DYNC2LI1: variants seen among roughly 807,000 people sequenced by gnomAD.
DYNC2LI1 encodes the protein dynein cytoplasmic 2 light intermediate chain 1.
A neutral mutation model predicts 51.9 loss-of-function variants in DYNC2LI1; 45 were observed. The observed-to-expected ratio is 0.87, with a 90% CI of 0.68 to 1.11. DYNC2LI1 has a LOEUF of 1.11. Among genes scored for constraint, DYNC2LI1 ranks in the 50% most tolerant of loss-of-function variants. The pLI is 0.00. For synonymous variants in DYNC2LI1, 130 were observed against 137.8 expected, an observed-to-expected ratio of 0.94 and a Z score of 0.40; for missense variants, 490 against 417.4, an observed-to-expected ratio of 1.17 and a Z score of -1.51.
At chr2:43,775,487 T>A (rs955530951) in intron 1 of DYNC2LI1, among the ~76,000 whole-genome samples, 1 of 151,640 alleles carries the variant, frequency 6.6e-6, no homozygotes, top group African/African-American at 2.4e-5. Context: ...TTTTTTTCTT[T>A]CTTTCTTTAT....
chr2:43,786,654 C>A (rs1447389303), intron 3 of DYNC2LI1, among the ~76,000 whole-genome samples: 2 of 152,062 alleles, frequency 1.3e-5, no homozygotes, highest in Admixed American at 6.5e-5. Context: ...GAAACCCTGT[C>A]TTTACTAAAA....
At chr2:43,791,416 A>G (rs1673778437) in intron 5 of DYNC2LI1, among the ~76,000 whole-genome samples, 1 of 152,124 alleles carries the variant, frequency 6.6e-6, no homozygotes, top group Non-Finnish European at 1.5e-5. Context: ...TGGAAATTCT[A>G]GGTTCTGCAG....
intron 10 of DYNC2LI1, among the ~76,000 whole-genome samples, chr2:43,803,236 CTTTATG>C (rs925378241): frequency 5.3e-5 from 8 of 152,132 alleles, no homozygotes; most frequent in Non-Finnish European, 1.0e-4. Flanking sequence ...TTCATGGCAG[CTTTATG>C]TTTAGTAGTC....
At chr2:43,817,700 A>G in the DYNC2LI1 span, among the ~76,000 whole-genome samples, 14,166 of 152,044 alleles carry the variant, frequency 0.093, 837 homozygotes, top group Admixed American at 0.2. Context: ...ACCTGAGGTC[A>G]GGAGTTTGAG....
rs749081820 is a variant in DYNC2LI1 at position 43,789,631 on chromosome 2, A to T, written c.232-2A>T. 1.9e-6 allele frequency: 3 copies of T among 1,612,292 alleles called. No homozygotes were observed. In the East Asian group the frequency reaches 6.7e-5, roughly 36 times the overall value. On this transcript the variant is annotated splice_acceptor_variant, in intron 4 of 12. Transcript: ENST00000260605. LOFTEE classifies it high-confidence loss of function. ...AAAAAATCAAAAATTTTTGTTTTTC[A>T]GCCAAAAGATATCGCTCACTTTTGG...
chr2:43,789,567 TG>T, intron 4 of DYNC2LI1, 65 bp from the exon 5 acceptor site: 1 of 1,270,888 alleles, frequency 7.9e-7, no homozygotes, highest in Non-Finnish European at 1.1e-6. Flanking sequence ...TAATTATTAC[TG>T]GGAAGTGCTA....
At chr2:43,810,665 C>T (rs1020337995), downstream of DYNC2LI1, among the ~76,000 whole-genome samples, 1 of 152,188 alleles carries the variant, frequency 6.6e-6, no homozygotes, top group Admixed American at 6.5e-5. Context: ...AAGCCATCTG[C>T]TTATTGCAAT....
At chr2:43,827,926 G>C in the DYNC2LI1 span, 6 of 1,608,706 alleles carry the variant, frequency 3.7e-6, no homozygotes, top group Non-Finnish European at 5.1e-6. Flanking sequence ...CAAAGTATCT[G>C]CACACACACA....
intron 3 of DYNC2LI1, among the ~76,000 whole-genome samples, chr2:43,784,464 A>G (rs560029732): frequency 2.0e-5 from 3 of 150,728 alleles, no homozygotes; most frequent in Non-Finnish European, 4.4e-5. Context: ...TTTGAGATGG[A>G]GTTTCGCTCT....
intron 4 of DYNC2LI1, among the ~76,000 whole-genome samples, chr2:43,788,409 C>T (rs114897620): frequency 0.021 from 3,256 of 152,144 alleles, 115 homozygotes; most frequent in African/African-American, 0.073. Context: ...TTTTTCTAAA[C>T]TGTGTACTAT....
At chr2:43,796,282 G>A (rs565137467) in intron 7 of DYNC2LI1, among the ~76,000 whole-genome samples, 23 of 149,192 alleles carry the variant, frequency 1.5e-4, no homozygotes, top group South Asian at 6.3e-4. Flanking sequence ...ACAGTGAGCT[G>A]TAATCACACC....
At chr2:43,819,788 C>A in the DYNC2LI1 span, 1 of 1,011,272 alleles carries the variant, frequency 9.9e-7, no homozygotes, top group South Asian at 1.4e-5. Context: ...AGTATAAATG[C>A]TCTAGACTAT....
chr2:43,795,751 G>C (rs1674005764), intron 6 of DYNC2LI1, 139 bp from the exon 7 acceptor site: 2 of 663,416 alleles, frequency 3.0e-6, no homozygotes, highest in African/African-American at 3.7e-5. Flanking sequence ...TTAAATATTA[G>C]AACAAATTCT....
chr2:43,819,754 G>A, the DYNC2LI1 span, among the ~76,000 whole-genome samples: 3 of 152,122 alleles, frequency 2.0e-5, no homozygotes, highest in African/African-American at 7.2e-5. Flanking sequence ...AACAGTTCAA[G>A]GTCTAAGGCA....
chr2:43,803,999 CAT>C (rs762820015), intron 10 of DYNC2LI1, among the ~76,000 whole-genome samples: 87 of 152,286 alleles, frequency 5.7e-4, no homozygotes, highest in Admixed American at 2.5e-3. Flanking sequence ...CCTTTACACA[CAT>C]GTGTATATAG....
chr2:43,816,045 G>C, the DYNC2LI1 span, among the ~76,000 whole-genome samples: 2 of 152,098 alleles, frequency 1.3e-5, no homozygotes, highest in Non-Finnish European at 2.9e-5. Context: ...TAGGAACTGT[G>C]AACCTTTGTT....
chr2:43,811,755 C>T (rs1041336755), downstream of DYNC2LI1, among the ~76,000 whole-genome samples: 3 of 152,136 alleles, frequency 2.0e-5, no homozygotes, highest in South Asian at 2.1e-4. Context: ...CCACCATGCC[C>T]AGCTAATTTT....
chr2:43,796,769 G>A lies in DYNC2LI1; in HGVS notation c.628G>A (p.Ala210Thr). 1.2e-6 allele frequency: 2 copies of A among 1,613,626 alleles called. No homozygotes were observed. The highest frequency in any genetic ancestry group is 1.1e-5 in the South Asian group (1 of 91,074). Residue 210 changes from alanine to threonine, a missense_variant, in exon 8 of 13, where the codon GCA becomes ACA. Transcript: ENST00000260605. Reference sequence around the variant, plus strand: ...AATATGCAAGACACTTCGATTTGTTGCACATTATTATGGAGCATCATTAAT... The same window carrying A: ...AATATGCAAGACACTTCGATTTGTTACACATTATTATGGAGCATCATTAAT... ...KVICKTLRFV[A>T]HYYGASLMFT...
intron 5 of DYNC2LI1, among the ~76,000 whole-genome samples, chr2:43,790,668 A>G (rs1208060794): frequency 6.6e-6 from 1 of 152,242 alleles, no homozygotes; most frequent in East Asian, 1.9e-4. Context: ...CCAGAATCAC[A>G]TTAAAAAATA....
Sources: allele counts gnomAD v4.1 joint callset (sites outside exome capture counted in the v4.1 genomes callset), GRCh38; gene constraint gnomAD v4.1.1; transcripts MANE v1.5; gene names NCBI Gene and HGNC (gene_info 2026-07-23, HGNC 2026-07-21).